OR4M1: variants seen among roughly 807,000 people sequenced by gnomAD.
OR4M1 encodes the protein olfactory receptor 4M1.
In OR4M1, 7 loss-of-function variants were observed where a neutral mutation model predicts 9.8. The observed-to-expected ratio is 0.71, with a 90% CI of 0.41 to 1.34. OR4M1 has a LOEUF of 1.34. Ranked by LOEUF, OR4M1 falls within the 40% of genes most tolerant of loss-of-function variation. OR4M1 has a pLI of 0.01. For missense variants in OR4M1, 331 were observed against 380.4 expected (o/e 0.87, Z 1.08); for synonymous variants, 121 against 139.8 (o/e 0.87, Z 0.95).
intron 1 of OR4M1, among the ~76,000 whole-genome samples, chr14:19,776,528 G>A (rs1241652621): frequency 5.3e-5 from 8 of 152,190 alleles, no homozygotes; most frequent in Admixed American, 2.6e-4. Flanking sequence ...TAGGTGGGTG[G>A]ATGTAAGACG....
At position 19,780,708 on chromosome 14, in the gene OR4M1, C is replaced by T. The variant is rs1340499119; in HGVS notation, c.386C>T (p.Pro129Leu). 7 of 1,614,132 alleles carry T rather than the reference C, an allele frequency of 4.3e-6. No homozygotes were observed. Among genetic ancestry groups the T allele is most frequent in the Non-Finnish European group, 5.9e-6 (7 of 1,180,054 alleles). Residue 129 changes from proline (P) to leucine (L), a missense_variant, in exon 2 of 2, where the codon CCC becomes CTC. Coordinates refer to ENST00000641200, the MANE Select transcript of OR4M1 (RefSeq NM_001005500.2). ...AYDRYAAICRPLHYATIMNRR... is the reference protein window; with the variant it reads ...AYDRYAAICRLLHYATIMNRR... ...GACCGCTATGCTGCTATCTGCCGAC[C>T]CCTCCACTATGCTACCATCATGAAT...
At chr14:19,778,727 G>C (rs1374357835) in intron 1 of OR4M1, among the ~76,000 whole-genome samples, 1 of 152,190 alleles carries the variant, frequency 6.6e-6, no homozygotes, top group Non-Finnish European at 1.5e-5. Context: ...AGTTATGGGG[G>C]CTATGAGCTG....
intron 1 of OR4M1, among the ~76,000 whole-genome samples, chr14:19,775,518 G>A (rs1172548165): frequency 6.1e-5 from 9 of 148,572 alleles, no homozygotes; most frequent in Non-Finnish European, 1.5e-5. Flanking sequence ...TATATTAAAA[G>A]AGAAATAAGC....
chr14:19,780,027 G>A (rs35601628), intron 1 of OR4M1, among the ~76,000 whole-genome samples: 18 of 152,314 alleles, frequency 1.2e-4, no homozygotes, highest in Middle Eastern at 3.4e-3. Context: ...GTGCATTGCC[G>A]AATTTCAGAA....
In OR4M1 at chr14:19,783,169, C is replaced by A. The variant is rs1331617362; in HGVS notation, c.*1905C>A. ...ATTATCTGAAATTAGAAACTAATAT[C>A]AATGAAGAAAAAGGGGAACTTTTGG... On this transcript the variant is annotated 3_prime_UTR_variant, in exon 2 of 2. Transcript: ENST00000641200. 6.6e-6 allele frequency: 1 copy of A among 152,174 alleles called. No individual in the cohort carries two copies. Among genetic ancestry groups the A allele is most frequent in the Non-Finnish European group, 1.5e-5 (1 of 68,054 alleles). 9.4% of individuals were successfully genotyped at this position (152,174 alleles called of 1,614,324 possible). A position where few individuals can be genotyped will look rare whatever the true frequency, so the allele number is the denominator to read the frequency against.
Position 19,781,018 on chromosome 14 carries a change from T to A in OR4M1, c.696T>A (p.Gly232=). The A allele has an allele frequency of 6.2e-7, 1 of 1,614,214 alleles. No homozygotes were observed. Among genetic ancestry groups the A allele is most frequent in the Non-Finnish European group, 8.5e-7 (1 of 1,180,028 alleles). The stretch of plus-strand genomic sequence containing the variant: ...TGCTCAAGAAACATTCAGGCTCAGG[T>A]GAGAATACCAACAGGGCCATGTCCA... ...LALLKKHSGS[G]ENTNRAMSTC... Residue 232 remains glycine (G), a synonymous_variant, in exon 2 of 2, where the codon GGT becomes GGA. Coordinates refer to ENST00000641200, the MANE Select transcript of OR4M1 (RefSeq NM_001005500.2).
At chr14:19,774,453 T>C (rs1293965717) in intron 1 of OR4M1, among the ~76,000 whole-genome samples, 2 of 152,248 alleles carry the variant, frequency 1.3e-5, no homozygotes, top group African/African-American at 2.4e-5. Context: ...GCAGTAGATA[T>C]ATAAATGAGA....
At chr14:19,777,718 T>G (rs1878353247) in intron 1 of OR4M1, among the ~76,000 whole-genome samples, 1 of 152,208 alleles carries the variant, frequency 6.6e-6, no homozygotes, top group Non-Finnish European at 1.5e-5. Context: ...AATAGACTTT[T>G]TAATATCACA....
chr14:19,777,030 ATATATATATATATATATATT>A (rs751396854), intron 1 of OR4M1, among the ~76,000 whole-genome samples: 1,829 of 134,100 alleles, frequency 0.014, 55 homozygotes, highest in South Asian at 0.057. Context: ...ATATATATAT[ATATATATATATATATATATT>A]GTTTGTTTGT....
At position 19,781,861 on chromosome 14, in the gene OR4M1, C is replaced by G. The variant is rs1415187987; in HGVS notation, c.*597C>G. 1 of 152,790 alleles carries G rather than the reference C, an allele frequency of 6.5e-6. No individual in the cohort carries two copies. The highest frequency in any genetic ancestry group is 1.5e-5 in the Non-Finnish European group (1 of 68,504). The allele number at this position is 152,790 out of a possible 1,614,324, so 9.5% of individuals were successfully genotyped here. ...GTGGTGTCCATTCAACAGTTGGAGA[C>G]AGAACTCAAAATTTTATCACATTAT... On this transcript the variant is annotated 3_prime_UTR_variant, in exon 2 of 2. Coordinates refer to ENST00000641200, the MANE Select transcript of OR4M1 (RefSeq NM_001005500.2).
In OR4M1 at chr14:19,781,103, G is replaced by T; in HGVS notation, c.781G>T (p.Ala261Ser). 27 of 1,614,182 alleles carry T rather than the reference G, an allele frequency of 1.7e-5. 1 individual carries two copies. Among genetic ancestry groups the T allele is most frequent in the African/African-American group, 1.1e-4 (8 of 75,042 alleles). The change falls in exon 2 of 2, where the codon GCT becomes TCT. Residue 261 changes from alanine to serine, a missense_variant. Physicochemically the swap from Ala to Ser is moderately conservative, Grantham distance 99. Coordinates refer to ENST00000641200, the MANE Select transcript of OR4M1 (RefSeq NM_001005500.2). ...LMFGPSIYIY[A>S]RPFDSFSLDK... ...GTTTGGGCCATCCATCTACATTTAT[G>T]CTCGCCCATTTGACTCATTTTCCCT...
chr14:19,780,311 T>C lies in OR4M1; in HGVS notation c.-12T>C. Reference sequence around the variant, plus strand: ...TTTCATAGTTATATTATGAAAAGAGTAAATTGAAGAAATGGAAACTGCAAA... The same window carrying C: ...TTTCATAGTTATATTATGAAAAGAGCAAATTGAAGAAATGGAAACTGCAAA... On this transcript the variant is annotated 5_prime_UTR_variant, in exon 2 of 2. Transcript: ENST00000641200. The C allele has an allele frequency of 4.4e-6, 7 of 1,594,412 alleles. No homozygotes were observed. The highest frequency in any genetic ancestry group is 6.0e-6 in the Non-Finnish European group (7 of 1,171,880).
In OR4M1 at chr14:19,781,315, A is replaced by T; in HGVS notation, c.*51A>T. ...CTCCTGAGGATCATTGTCCTAAAGC[A>T]GGAAGTATTTGCAGTAATAATGCTG... On this transcript the variant is annotated 3_prime_UTR_variant, in exon 2 of 2. Coordinates refer to ENST00000641200, the MANE Select transcript of OR4M1 (RefSeq NM_001005500.2). The T allele has an allele frequency of 6.9e-7, 1 of 1,439,548 alleles. No individual in the cohort carries two copies. The highest frequency in any genetic ancestry group is 9.5e-7 in the Non-Finnish European group (1 of 1,056,672). 89.2% of individuals were successfully genotyped at this position (1,439,548 alleles called of 1,614,324 possible).
At chr14:19,777,450 C>A (rs2138429105) in intron 1 of OR4M1, among the ~76,000 whole-genome samples, 1 of 152,216 alleles carries the variant, frequency 6.6e-6, no homozygotes, top group East Asian at 1.9e-4. Context: ...CCATTGCCTT[C>A]TTTTTATTTC....
intron 1 of OR4M1, 45 bp from the exon 2 acceptor site, chr14:19,780,249 G>A: frequency 6.9e-7 from 1 of 1,440,430 alleles, no homozygotes; most frequent in Non-Finnish European, 9.4e-7. Context: ...TATAACTCTA[G>A]ATAAATGCTA....
At chr14:19,778,710 C>A (rs148413491) in intron 1 of OR4M1, among the ~76,000 whole-genome samples, 2 of 152,170 alleles carry the variant, frequency 1.3e-5, no homozygotes, top group Non-Finnish European at 2.9e-5. Flanking sequence ...ATACCTGTTG[C>A]GTTATTAGTT....
chr14:19,779,815 T>C (rs1273942482), intron 1 of OR4M1, among the ~76,000 whole-genome samples: 2 of 152,248 alleles, frequency 1.3e-5, no homozygotes, highest in African/African-American at 4.8e-5. Context: ...ATCTCTTTTC[T>C]GTATCACAAC....
intron 1 of OR4M1, among the ~76,000 whole-genome samples, chr14:19,779,937 A>AT: frequency 6.6e-6 from 1 of 152,366 alleles, no homozygotes; most frequent in African/African-American, 2.4e-5. Flanking sequence ...CACATCTCTG[A>AT]TTGCCAGTCT....
rs368230080 is a variant in OR4M1 at position 19,781,074 on chromosome 14, T to C, written c.752T>C (p.Leu251Pro). Reference sequence around the variant, plus strand: ...TATTCCCACATTACCATTGTGGTGCTAATGTTTGGGCCATCCATCTACATT... The same window carrying C: ...TATTCCCACATTACCATTGTGGTGCCAATGTTTGGGCCATCCATCTACATT... ...TCYSHITIVV[L>P]MFGPSIYIYA... The change falls in exon 2 of 2, where the codon CTA becomes CCA. Residue 251 changes from leucine to proline, a missense_variant. This residue lies in a region of OR4M1 where 122 missense variants were observed against 180.5 expected (regional missense o/e 0.68). Transcript: ENST00000641200. The C allele has an allele frequency of 6.2e-7, 1 of 1,614,130 alleles. No individual in the cohort carries two copies. Among genetic ancestry groups the C allele is most frequent in the Non-Finnish European group, 8.5e-7 (1 of 1,180,048 alleles).
Sources: allele counts gnomAD v4.1 joint callset (sites outside exome capture counted in the v4.1 genomes callset), GRCh38; gene constraint gnomAD v4.1.1; regional missense constraint gnomAD v4.1.1; transcripts MANE v1.5; gene names NCBI Gene and HGNC (gene_info 2026-07-23, HGNC 2026-07-21).